CENPE: variants seen among roughly 807,000 people sequenced by gnomAD.
CENPE encodes the protein centromere protein E.
A neutral mutation model predicts 336.1 loss-of-function variants in CENPE; 145 were observed. The observed-to-expected ratio is 0.43, with a 90% CI of 0.38 to 0.50. CENPE has a LOEUF of 0.50. Among genes scored for constraint, CENPE ranks in the 20% least tolerant of loss-of-function variants. The pLI is 0.00. For missense variants in CENPE, 2,719 were observed against 3,023.3 expected (o/e 0.90, Z 2.36); for synonymous variants, 1,013 against 984.8 (o/e 1.03, Z -0.54).
At chr4:103,178,951 C>G (rs1260025832) in intron 13 of CENPE, among the ~76,000 whole-genome samples, 1 of 151,978 alleles carries the variant, frequency 6.6e-6, no homozygotes, top group Admixed American at 6.6e-5. Flanking sequence ...TATCTCAAAT[C>G]TTCTACCTCA....
At chr4:103,117,774 C>T (rs904443629) in intron 44 of CENPE, among the ~76,000 whole-genome samples, 4 of 151,836 alleles carry the variant, frequency 2.6e-5, no homozygotes, top group African/African-American at 9.7e-5. Flanking sequence ...ATTACAGGTG[C>T]TTACCACCAT....
chr4:103,133,826 C>T lies in CENPE; in HGVS notation c.6589G>A (p.Asp2197Asn), dbSNP rs1751827354. The change falls in exon 41 of 49, where the codon GAT becomes AAT. Residue 2197 changes from aspartate (D) to asparagine (N), a missense_variant. By Grantham distance (23) the Asp-to-Asn change is conservative. Transcript: ENST00000265148. Reference sequence around the variant, plus strand: ...TGCTTTTCCACTTCATCAATAAAATCCATTTCAAATTTATTGATGGATTCA... The same window carrying T: ...TGCTTTTCCACTTCATCAATAAAATTCATTTCAAATTTATTGATGGATTCA... ...QHESINKFEM[D>N]FIDEVEKQKE... 1 of 1,603,192 alleles carries T rather than the reference C, an allele frequency of 6.2e-7. No individual in the cohort carries two copies. Among genetic ancestry groups the T allele is most frequent in the Non-Finnish European group, 8.5e-7 (1 of 1,171,812 alleles).
intron 16 of CENPE, among the ~76,000 whole-genome samples, chr4:103,170,181 T>A (rs1317192981): frequency 6.6e-6 from 1 of 152,008 alleles, no homozygotes; most frequent in South Asian, 2.1e-4. Flanking sequence ...ATACCTAATG[T>A]TAAATGACGA....
chr4:103,129,729 A>C (rs1271714954), intron 42 of CENPE, among the ~76,000 whole-genome samples: 2 of 135,458 alleles, frequency 1.5e-5, no homozygotes, highest in Non-Finnish European at 3.3e-5. Context: ...ATCTCAAAAA[A>C]TAAAATAAAA....
chr4:103,192,435 A>G (rs1757436092), intron 8 of CENPE, among the ~76,000 whole-genome samples: 1 of 152,216 alleles, frequency 6.6e-6, no homozygotes, highest in South Asian at 2.1e-4. Flanking sequence ...GTGATATACA[A>G]AAGCAATGGT....
chr4:103,115,058 C>T (rs914300707), intron 45 of CENPE, among the ~76,000 whole-genome samples: 1 of 152,104 alleles, frequency 6.6e-6, no homozygotes, highest in East Asian at 1.9e-4. Context: ...TAATCAGTAA[C>T]GATAAATTAT....
At chr4:103,122,378 C>T (rs1209787658) in intron 43 of CENPE, among the ~76,000 whole-genome samples, 11 of 152,130 alleles carry the variant, frequency 7.2e-5, no homozygotes. Context: ...AAATAATGTA[C>T]TGGTTCTTAG....
chr4:103,179,121 C>T (rs202018277), intron 13 of CENPE, among the ~76,000 whole-genome samples: 2 of 152,210 alleles, frequency 1.3e-5, no homozygotes, highest in African/African-American at 2.4e-5. Flanking sequence ...CAAGTCATTC[C>T]GGACACCTCC....
chr4:103,113,160 AT>A (rs1749708822), intron 46 of CENPE, among the ~76,000 whole-genome samples: 4 of 135,116 alleles, frequency 3.0e-5, no homozygotes, highest in Non-Finnish European at 6.2e-5. Flanking sequence ...AAGTGTATAT[AT>A]ACTTATAAGT....
rs539572614 is a variant in CENPE, at chr4:103,176,681, T to G, written c.1390+218A>C. ...TTCAAGCGATTCTCCTGCCTCAGCC[T>G]CCCAAGTAGCCGGGATTACAGGCGC... On this transcript the variant is annotated intron_variant, in intron 14 of 48. Coordinates refer to ENST00000265148, the MANE Select transcript of CENPE (RefSeq NM_001813.3). Among the ~76,000 whole-genome samples, 9 of 152,262 alleles carry G rather than the reference T, an allele frequency of 5.9e-5. No individual in the cohort carries two copies. In the South Asian group the frequency reaches 1.9e-3, roughly 32 times the overall value.
At position 103,106,182 on chromosome 4, in the gene CENPE, T is replaced by C. The variant is rs1345887870; in HGVS notation, c.*40A>G. The C allele has an allele frequency of 7.4e-7, 1 of 1,348,856 alleles. No homozygotes were observed. Among genetic ancestry groups the C allele is most frequent in the African/African-American group, 1.5e-5 (1 of 68,748 alleles). The allele number at this position is 1,348,856 out of a possible 1,614,324, so 83.6% of individuals were successfully genotyped here. A position where few individuals can be genotyped will look rare whatever the true frequency, so the allele number is the denominator to read the frequency against. ...ACACATAAACAAAGTCATTTCCAAATAAGGAATGCTGGATCTCCAGAGAAG... is the reference window on the plus strand; with the variant it reads ...ACACATAAACAAAGTCATTTCCAAACAAGGAATGCTGGATCTCCAGAGAAG... On this transcript the variant is annotated 3_prime_UTR_variant, in exon 49 of 49. Coordinates refer to ENST00000265148, the MANE Select transcript of CENPE (RefSeq NM_001813.3).
intron 9 of CENPE, among the ~76,000 whole-genome samples, chr4:103,184,892 T>C (rs191719588): frequency 1.2e-3 from 177 of 152,364 alleles, no homozygotes; most frequent in Non-Finnish European, 2.3e-3. Flanking sequence ...TTATTAGGAT[T>C]GTGTTAAATC....
intron 24 of CENPE, 55 bp from the exon 25 acceptor site, chr4:103,153,305 A>AG: frequency 9.2e-7 from 1 of 1,091,724 alleles, no homozygotes; most frequent in African/African-American, 1.6e-5. Context: ...AACAACTTTA[A>AG]AAAATAATAA....
At chr4:103,164,954 T>C (rs138716747) in intron 16 of CENPE, among the ~76,000 whole-genome samples, 2 of 152,126 alleles carry the variant, frequency 1.3e-5, no homozygotes, top group African/African-American at 4.8e-5. Flanking sequence ...AGAGATCGGG[T>C]GCATTCAGGG....
At chr4:103,127,122 C>T (rs1256690385) in intron 42 of CENPE, among the ~76,000 whole-genome samples, 1 of 136,998 alleles carries the variant, frequency 7.3e-6, no homozygotes, top group African/African-American at 2.7e-5. Flanking sequence ...ACCAAAAAAA[C>T]CCCCGAAAAA....
intron 8 of CENPE, 131 bp from the exon 9 acceptor site, chr4:103,185,992 GTTTAGGCATTCCC>G: frequency 1.9e-6 from 1 of 528,950 alleles, no homozygotes; most frequent in South Asian, 3.3e-5. Flanking sequence ...CCATGCTACT[GTTTAGGCATTCCC>G]TTTTTTCTCT....
intron 9 of CENPE, among the ~76,000 whole-genome samples, chr4:103,184,744 T>C (rs1457185353): frequency 1.3e-5 from 2 of 152,196 alleles, no homozygotes; most frequent in Non-Finnish European, 2.9e-5. Context: ...TACTATCTTA[T>C]AGTAAGATAG....
chr4:103,140,754 A>G (rs143736460), intron 36 of CENPE, 60 bp downstream of exon 36: 3 of 1,397,200 alleles, frequency 2.1e-6, no homozygotes, highest in Non-Finnish European at 2.9e-6. Flanking sequence ...TGCAGTGAAC[A>G]CTGTATTTTT....
intron 24 of CENPE, among the ~76,000 whole-genome samples, chr4:103,157,089 A>C (rs973514202): frequency 6.7e-6 from 1 of 149,972 alleles, no homozygotes; most frequent in Admixed American, 6.7e-5. Context: ...AACAGAAAAT[A>C]GTGTGTTGGC....
Sources: allele counts gnomAD v4.1 joint callset (sites outside exome capture counted in the v4.1 genomes callset), GRCh38; gene constraint gnomAD v4.1.1; transcripts MANE v1.5; gene names NCBI Gene and HGNC (gene_info 2026-07-23, HGNC 2026-07-21).